GLYR1: variants seen among roughly 807,000 people sequenced by gnomAD.
The protein encoded by GLYR1 is cytokine-like nuclear factor N-PAC.
GLYR1 carries 21 observed loss-of-function variants against 72.7 expected under a neutral mutation model. The observed-to-expected ratio is 0.29, with a 90% confidence interval of 0.20 to 0.42. The LOEUF (loss-of-function observed/expected upper bound fraction) is 0.42, where lower values mean the gene tolerates loss of function less well. Ranked by LOEUF, GLYR1 falls within the 10% of genes least tolerant of loss-of-function variation. GLYR1 has a pLI of 1.00. For synonymous variants in GLYR1, 392 were observed against 270.2 expected (o/e 1.45, Z -4.42); for missense variants, 594 against 712.1 (o/e 0.83, Z 1.89).
intron 3 of GLYR1, among the ~76,000 whole-genome samples, chr16:4,836,825 AAAAAC>A (rs894007321): frequency 2.0e-5 from 3 of 151,646 alleles, no homozygotes; most frequent in Non-Finnish European, 4.4e-5. Context: ...AAAAAAAAAA[AAAAAC>A]AAAACAAATC....
At chr16:4,819,817 C>T (rs1364536295) in intron 9 of GLYR1, among the ~76,000 whole-genome samples, 3 of 152,164 alleles carry the variant, frequency 2.0e-5, no homozygotes, top group Non-Finnish European at 4.4e-5. Flanking sequence ...TGGAACCCAC[C>T]AACTTTCTCA....
chr16:4,808,159 C>T (rs1422252161), intron 15 of GLYR1, among the ~76,000 whole-genome samples: 2 of 151,096 alleles, frequency 1.3e-5, no homozygotes, highest in African/African-American at 2.4e-5. Context: ...TCACTTTAAC[C>T]CAAGAGGTGG....
At chr16:4,831,317 C>T (rs901032265) in intron 5 of GLYR1, among the ~76,000 whole-genome samples, 8 of 152,298 alleles carry the variant, frequency 5.3e-5, no homozygotes, top group Middle Eastern at 6.8e-3. Flanking sequence ...GGTGCACACA[C>T]GGGAGGCACA....
Position 4,812,232 on chromosome 16 carries a change from C to T in GLYR1, c.1136G>A (p.Gly379Glu), listed in dbSNP as rs769907369. 1.2e-6 allele frequency: 2 copies of T among 1,613,122 alleles called. No individual in the cohort carries two copies. Among genetic ancestry groups the T allele is most frequent in the African/African-American group, 1.3e-5 (1 of 74,972 alleles). ...TELAQVIVSR[G>E]GRFLEAPVSG... is the part of the protein sequence containing the mutation. ...GACGGGGGCTTCCAGAAAGCGCCCC[C>T]CCCTGGACACAATCACCTGGAAAGA... Residue 379 changes from glycine (G) to glutamate (E), a missense_variant, in exon 13 of 16, where the codon GGG (glycine) becomes GAG (glutamate). By Grantham distance (98) the Gly-to-Glu change is moderately conservative (BLOSUM62 -2). Transcript: ENST00000321919.
At chr16:4,821,188 G>A (rs2083998855) in intron 9 of GLYR1, 192 bp downstream of exon 9, 4 of 632,664 alleles carry the variant, frequency 6.3e-6, no homozygotes, top group Admixed American at 5.7e-5. Context: ...ATGCCCAAGG[G>A]AGACCCGACC....
At chr16:4,845,977 TTA>T (rs773124705) in intron 2 of GLYR1, among the ~76,000 whole-genome samples, 195 bp downstream of exon 2, 1 of 152,198 alleles carries the variant, frequency 6.6e-6, no homozygotes, top group Non-Finnish European at 1.5e-5. Context: ...AAATAAGGGT[TTA>T]GAGAAGATTT....
chr16:4,807,548 A>T (rs2083063092), intron 15 of GLYR1, among the ~76,000 whole-genome samples: 1 of 152,258 alleles, frequency 6.6e-6, no homozygotes, highest in Admixed American at 6.5e-5. Flanking sequence ...TCAATGCACC[A>T]GTTAACCTTC....
intron 15 of GLYR1, 68 bp downstream of exon 15, chr16:4,811,102 T>TAAA: frequency 2.6e-5 from 37 of 1,450,518 alleles, no homozygotes; most frequent in Non-Finnish European, 2.7e-5. Context: ...GAGACTCCGT[T>TAAA]AAAAAAAAAA....
intron 5 of GLYR1, 85 bp from the exon 6 acceptor site, chr16:4,823,992 T>A: frequency 9.4e-7 from 1 of 1,064,242 alleles, no homozygotes; most frequent in Admixed American, 1.9e-5. Flanking sequence ...AAGGGAAAGT[T>A]CAAGCCAATC....
At chr16:4,838,093 A>T (rs979086922) in intron 3 of GLYR1, among the ~76,000 whole-genome samples, 2 of 152,152 alleles carry the variant, frequency 1.3e-5, no homozygotes, top group Non-Finnish European at 2.9e-5. Context: ...TTTTAAAAAA[A>T]ATCCATCCAA....
intron 3 of GLYR1, 88 bp from the exon 4 acceptor site, chr16:4,833,000 T>G: frequency 3.1e-6 from 4 of 1,305,052 alleles, no homozygotes; most frequent in Non-Finnish European, 4.1e-6. Context: ...GGTGTAAATA[T>G]CCATTTGGTT....
intron 9 of GLYR1, among the ~76,000 whole-genome samples, chr16:4,819,988 A>C (rs1455674758): frequency 1.3e-5 from 2 of 152,098 alleles, no homozygotes; most frequent in African/African-American, 4.8e-5. Context: ...AGTCCAGTAG[A>C]CCTGGGATAA....
intron 10 of GLYR1, among the ~76,000 whole-genome samples, chr16:4,816,085 AATTACTCCTG>A (rs1317985694): frequency 1.3e-5 from 2 of 152,034 alleles, no homozygotes; most frequent in Admixed American, 6.6e-5. Context: ...GATATATTTT[AATTACTCCTG>A]ATTACCGAAT....
Position 4,811,211 on chromosome 16 carries a change from C to T in GLYR1, c.1546G>A (p.Ala516Thr). The change falls in exon 15 of 16, where the codon GCG becomes ACG. Residue 516 changes from alanine (A) to threonine (T), a missense_variant. Physicochemically the swap from Ala to Thr is moderately conservative, Grantham distance 58 (BLOSUM62 0). Transcript: ENST00000321919. Reference protein sequence around the residue: ...DLRLAIALGDAVNHPTPMAAA... With the variant: ...DLRLAIALGDTVNHPTPMAAA... Reference sequence around the variant, plus strand: ...GCCATGGGAGTCGGATGGTTGACCGCATCACCCAGCGCAATGGCTAAGCGG... The same window carrying T: ...GCCATGGGAGTCGGATGGTTGACCGTATCACCCAGCGCAATGGCTAAGCGG... 6.2e-7 allele frequency: 1 copy of T among 1,614,154 alleles called. No homozygotes were observed. Among genetic ancestry groups the T allele is most frequent in the East Asian group, 2.2e-5 (1 of 44,890 alleles).
Position 4,805,271 on chromosome 16 carries a change from C to T in GLYR1, c.1627G>A (p.Asp543Asn). ...TAGGCTCGGTACACGGCGGACATAT[C>T]GTTGTCAGACTGGTCCAGCGCCTTG... The part of the protein sequence containing the change: ...RAKALDQSDN[D>N]MSAVYRAYIH Residue 543 changes from aspartate (D) to asparagine (N), a missense_variant, in exon 16 of 16, where the codon GAT (aspartate) becomes AAT (asparagine). By Grantham distance (23) the Asp-to-Asn change is conservative (BLOSUM62 1). Coordinates refer to ENST00000321919, the MANE Select transcript of GLYR1 (RefSeq NM_032569.4). 1 of 1,614,030 alleles carries T rather than the reference C, an allele frequency of 6.2e-7. No individual in the cohort carries two copies. The highest frequency in any genetic ancestry group is 8.5e-7 in the Non-Finnish European group (1 of 1,179,998).
At chr16:4,806,081 G>T (rs1045047303) in intron 15 of GLYR1, among the ~76,000 whole-genome samples, 1 of 152,218 alleles carries the variant, frequency 6.6e-6, no homozygotes, top group Non-Finnish European at 1.5e-5. Context: ...ACCTCAGAGT[G>T]AGAGTTCTCA....
At chr16:4,818,002 C>CTTTT (rs61285093) in intron 9 of GLYR1, 22 of 219,892 alleles carry the variant, frequency 1.0e-4, no homozygotes, top group Non-Finnish European at 1.5e-4. Context: ...CCTTGCTGCC[C>CTTTT]TTTTTTTTTT....
chr16:4,822,788 T>C, intron 7 of GLYR1, 87 bp downstream of exon 7: 2 of 1,170,810 alleles, frequency 1.7e-6, no homozygotes, highest in South Asian at 2.5e-5. Flanking sequence ...AGAGCCTAAC[T>C]TTTCAGATGG....
At chr16:4,827,971 A>G (rs568263318) in intron 5 of GLYR1, among the ~76,000 whole-genome samples, 2 of 152,124 alleles carry the variant, frequency 1.3e-5, no homozygotes, top group Non-Finnish European at 2.9e-5. Context: ...GTATCAATCA[A>G]ATCTATGGGG....
Sources: allele counts gnomAD v4.1 joint callset (sites outside exome capture counted in the v4.1 genomes callset), GRCh38; gene constraint gnomAD v4.1.1; transcripts MANE v1.5; gene names NCBI Gene and HGNC (gene_info 2026-07-23, HGNC 2026-07-21).